The following SMIM8 variants were observed in gnomAD, a reference collection of about 807,000 sequenced individuals.
SMIM8 encodes UPF0708 protein C6orf162.
A neutral mutation model predicts 8.1 loss-of-function variants in SMIM8; 8 were observed. The ratio of observed to expected loss-of-function variants is 0.99; its 90% CI spans 0.58 to 1.78. SMIM8 has a LOEUF of 1.78. Ranked by LOEUF, SMIM8 falls within the 40% of genes most tolerant of loss-of-function variation. The pLI is 0.00. For synonymous variants in SMIM8, 45 were observed against 39.7 expected, an observed-to-expected ratio of 1.13 and a Z score of -0.50; for missense variants, 126 against 119.8, an observed-to-expected ratio of 1.05 and a Z score of -0.24.
At position 87,340,389 on chromosome 6, in the gene SMIM8, A is replaced by G. The variant is rs1000060726; in HGVS notation, c.*115A>G. 13 of 1,082,622 alleles carry G rather than the reference A, an allele frequency of 1.2e-5. No homozygotes were observed. Among genetic ancestry groups the G allele is most frequent in the African/African-American group, 1.6e-5 (1 of 60,972 alleles). The allele number at this position is 1,082,622 out of a possible 1,614,324, so 67.1% of individuals were successfully genotyped here. On this transcript the variant is annotated 3_prime_UTR_variant, in exon 4 of 4. Transcript: ENST00000392863. ...TTCTAGAACATGCTAATGAAGAGAG[A>G]AGATAGCAGTTGCAACCAGACAACT... is the stretch of plus-strand genomic sequence containing the variant.
At chr6:87,338,241 A>T (rs1462834830) in intron 3 of SMIM8, among the ~76,000 whole-genome samples, 1 of 152,166 alleles carries the variant, frequency 6.6e-6, no homozygotes, top group Non-Finnish European at 1.5e-5. Flanking sequence ...CCTTATTTTG[A>T]AATAGAAGTG....
At chr6:87,337,384 A>G (rs1777136543) in intron 3 of SMIM8, among the ~76,000 whole-genome samples, 1 of 152,226 alleles carries the variant, frequency 6.6e-6, no homozygotes, top group Admixed American at 6.5e-5. Flanking sequence ...AGTTATAATG[A>G]AAAATGGTTG....
chr6:87,334,287 G>A (rs1200523882), intron 2 of SMIM8, among the ~76,000 whole-genome samples: 1 of 152,180 alleles, frequency 6.6e-6, no homozygotes, highest in Non-Finnish European at 1.5e-5. Flanking sequence ...AGTGCGGGCT[G>A]CCCGAACAAA....
chr6:87,323,352 C>G (rs1378386700), intron 1 of SMIM8, among the ~76,000 whole-genome samples: 2 of 152,078 alleles, frequency 1.3e-5, no homozygotes, highest in African/African-American at 4.8e-5. Flanking sequence ...TATACATGTG[C>G]CATGCTGGTG....
intron 1 of SMIM8, among the ~76,000 whole-genome samples, chr6:87,328,796 A>G (rs1051132442): frequency 7.2e-5 from 11 of 152,264 alleles, no homozygotes; most frequent in South Asian, 2.1e-4. Flanking sequence ...CGAGCTTCCC[A>G]GCTGCTTTGT....
intron 1 of SMIM8, among the ~76,000 whole-genome samples, chr6:87,326,927 C>G (rs1212920708): frequency 1.9e-5 from 2 of 107,954 alleles, no homozygotes; most frequent in East Asian, 2.4e-4. Flanking sequence ...TCACTCAGGA[C>G]TTGCTTTATG....
At chr6:87,331,924 T>TA (rs1275595420) in intron 2 of SMIM8, among the ~76,000 whole-genome samples, 2 of 152,182 alleles carry the variant, frequency 1.3e-5, no homozygotes, top group Admixed American at 6.5e-5. Context: ...TTGTGGTATA[T>TA]TAAATCTTTT....
At chr6:87,339,544 T>TC (rs1480830941) in intron 3 of SMIM8, among the ~76,000 whole-genome samples, 1 of 152,012 alleles carries the variant, frequency 6.6e-6, no homozygotes, top group East Asian at 1.9e-4. Context: ...TAATAGCTGT[T>TC]CCCATCACTA....
chr6:87,332,286 C>T lies in SMIM8; in HGVS notation c.-24+1574C>T, dbSNP rs1056775149. ...CATTTTTGTTAGTTGTAACTAGTCT[C>T]TCTCTTTCTCTTTCTCCTCCTCTCC... On this transcript the variant is annotated intron_variant, in intron 2 of 3. Transcript: ENST00000392863. Among the ~76,000 whole-genome samples the T allele has an allele frequency of 1.6e-3, 239 of 146,532 alleles. 1 individual carries two copies. Among genetic ancestry groups the T allele is most frequent in the African/African-American group, 5.7e-3 (224 of 39,382 alleles).
At chr6:87,326,958 G>A (rs1776837830) in intron 1 of SMIM8, among the ~76,000 whole-genome samples, 1 of 110,096 alleles carries the variant, frequency 9.1e-6, no homozygotes, top group South Asian at 2.9e-4. Context: ...CTCCTGTATT[G>A]GGTGCATATA....
rs1017558842 is a variant in SMIM8 at position 87,340,342 on chromosome 6, G to A, written c.*68G>A. On this transcript the variant is annotated 3_prime_UTR_variant, in exon 4 of 4. Coordinates refer to ENST00000392863, the MANE Select transcript of SMIM8 (RefSeq NM_001042493.3). ...AATCTTCAAATGAAAGACCTTGTGA[G>A]TGTACAGTATCATGTTTCTTGTTCT... is the stretch of plus-strand genomic sequence containing the variant. The A allele has an allele frequency of 2.8e-6, 4 of 1,412,908 alleles. No individual in the cohort carries two copies. The highest frequency in any genetic ancestry group is 3.7e-6 in the Non-Finnish European group (4 of 1,071,814). The allele number at this position is 1,412,908 out of a possible 1,614,324, so 87.5% of individuals were successfully genotyped here. A position where few individuals can be genotyped will look rare whatever the true frequency, so the allele number is the denominator to read the frequency against.
rs763858369 is a variant in SMIM8 at position 87,337,176 on chromosome 6, A to G, written c.135+10A>G. The G allele has an allele frequency of 3.1e-6, 5 of 1,605,152 alleles. No individual in the cohort carries two copies. In the South Asian group the frequency reaches 4.5e-5, roughly 14 times the overall value. On this transcript the variant is annotated intron_variant, in intron 3 of 3. Transcript: ENST00000392863. ...GCTCTTCATTAAACCTGTAAGAAATACATCCAGGATAAGACTTTGTGTTTA... is the reference window on the plus strand; with the variant it reads ...GCTCTTCATTAAACCTGTAAGAAATGCATCCAGGATAAGACTTTGTGTTTA...
intron 3 of SMIM8, among the ~76,000 whole-genome samples, chr6:87,338,076 C>G (rs115385157): frequency 2.0e-5 from 3 of 152,040 alleles, no homozygotes; most frequent in African/African-American, 7.2e-5. Flanking sequence ...TTAAATAGAT[C>G]AACTTAATCA....
chr6:87,323,781 T>C (rs950116360), intron 1 of SMIM8, among the ~76,000 whole-genome samples: 3 of 152,066 alleles, frequency 2.0e-5, no homozygotes, highest in African/African-American at 7.2e-5. Context: ...GTCCTTTGGG[T>C]ATATACCCAG....
chr6:87,340,097 A>AT lies in SMIM8; in HGVS notation c.136-10dup, dbSNP rs759946020. ...TTGTTAGTCTTACTAAAGCTTTATA[A>AT]TTTTTTTTTCTTTGACAGAACAAAC... is the stretch of plus-strand genomic sequence containing the variant. On this transcript the variant is annotated intron_variant, in intron 3 of 3. Coordinates refer to ENST00000392863, the MANE Select transcript of SMIM8 (RefSeq NM_001042493.3). 2.5e-4 allele frequency: 383 copies of AT among 1,511,984 alleles called. 1 individual carries two copies. The highest frequency in any genetic ancestry group is 7.5e-4 in the South Asian group (56 of 74,546). The allele number at this position is 1,511,984 out of a possible 1,614,324, so 93.7% of individuals were successfully genotyped here. A position where few individuals can be genotyped will look rare whatever the true frequency, so the allele number is the denominator to read the frequency against.
At chr6:87,335,363 AGTGCTAACTGAT>A (rs1294520239) in intron 2 of SMIM8, among the ~76,000 whole-genome samples, 2 of 152,194 alleles carry the variant, frequency 1.3e-5, no homozygotes, top group Non-Finnish European at 2.9e-5. Context: ...TTGCTACAGG[AGTGCTAACTGAT>A]GTAAAAATTG....
intron 3 of SMIM8, among the ~76,000 whole-genome samples, chr6:87,338,693 C>A (rs1582097697): frequency 6.6e-6 from 1 of 152,082 alleles, no homozygotes; most frequent in African/African-American, 2.4e-5. Flanking sequence ...TAAAGAGTTT[C>A]TTTTATTTCT....
intron 1 of SMIM8, among the ~76,000 whole-genome samples, chr6:87,328,912 G>C (rs1663874835): frequency 6.6e-6 from 1 of 152,182 alleles, no homozygotes; most frequent in South Asian, 2.1e-4. Context: ...AGACTCCGTG[G>C]GCGTAGGACC....
At chr6:87,331,840 TTC>T (rs1777001908) in intron 2 of SMIM8, among the ~76,000 whole-genome samples, 1 of 152,162 alleles carries the variant, frequency 6.6e-6, no homozygotes, top group South Asian at 2.1e-4. Context: ...TTTATCCCAC[TTC>T]TAATAAAAGA....
Sources: allele counts gnomAD v4.1 joint callset (sites outside exome capture counted in the v4.1 genomes callset), GRCh38; gene constraint gnomAD v4.1.1; transcripts MANE v1.5; gene names NCBI Gene and HGNC (gene_info 2026-07-23, HGNC 2026-07-21).